DPP6: variants seen among roughly 807,000 people sequenced by gnomAD.
DPP6 encodes the protein A-type potassium channel modulatory protein DPP6.
Under a neutral mutation model 122.6 loss-of-function variants are expected in DPP6, and 69 were observed. The ratio of observed to expected loss-of-function variants is 0.56; its 90% CI spans 0.46 to 0.69. The LOEUF (loss-of-function observed/expected upper bound fraction) is 0.69. Among genes scored for constraint, DPP6 ranks in the 30% least tolerant of loss-of-function variants. DPP6 has a pLI of 0.00. For synonymous variants in DPP6, 418 were observed against 433.1 expected (o/e 0.97, Z 0.43); for missense variants, 928 against 1,116.9 (o/e 0.83, Z 2.41).
At chr7:153,910,470 G>T (rs1800040729) in intron 1 of DPP6, among the ~76,000 whole-genome samples, 2 of 151,790 alleles carry the variant, frequency 1.3e-5, no homozygotes, top group Non-Finnish European at 2.9e-5. Flanking sequence ...CCTTTTCCTG[G>T]CTGCCTCTCC....
chr7:154,135,201 A>G (rs977864296), intron 1 of DPP6, among the ~76,000 whole-genome samples: 3 of 151,100 alleles, frequency 2.0e-5, no homozygotes, highest in Non-Finnish European at 4.4e-5. Flanking sequence ...CTGTAAGCCT[A>G]CACTTCTTGT....
chr7:154,297,887 A>G (rs1280428973), intron 1 of DPP6, among the ~76,000 whole-genome samples: 2 of 152,126 alleles, frequency 1.3e-5, no homozygotes, highest in African/African-American at 4.8e-5. Context: ...TGCTGCGACG[A>G]GCTTTTCCAG....
At chr7:154,389,394 A>G (rs10278247) in intron 1 of DPP6, among the ~76,000 whole-genome samples, 17,690 of 152,170 alleles carry the variant, frequency 0.12, 1,314 homozygotes, top group African/African-American at 0.2. Context: ...AATTAATAAA[A>G]AGGAGATGAT....
chr7:154,136,726 T>G lies in DPP6; in HGVS notation c.243+83663T>G, dbSNP rs564198228. On this transcript the variant is annotated intron_variant, in intron 1 of 25. Coordinates refer to ENST00000377770, the MANE Select transcript of DPP6 (RefSeq NM_130797.4). ...TTTAGGAAGATAAAGAACACTAAAA[T>G]GTTAATAATAGAACCTTGAGACCCT... is the stretch of plus-strand genomic sequence containing the variant. 4.4e-3 allele frequency among the ~76,000 whole-genome samples: 674 copies of G among 151,826 alleles called. 8 individuals are homozygous for G. Among genetic ancestry groups the G allele is most frequent in the African/African-American group, 0.015 (602 of 41,378 alleles).
chr7:154,613,619 C>CAAAAAAA (rs749561005), intron 5 of DPP6, among the ~76,000 whole-genome samples: 12 of 51,828 alleles, frequency 2.3e-4, no homozygotes, highest in African/African-American at 9.2e-4. Context: ...GACTCTGTCT[C>CAAAAAAA]AAAAAAAAAA....
the DPP6 span, among the ~76,000 whole-genome samples, chr7:153,837,349 C>G: frequency 6.6e-6 from 1 of 152,182 alleles, no homozygotes; most frequent in Non-Finnish European, 1.5e-5. Flanking sequence ...TGATAACTAA[C>G]TAATCTAGCA....
At chr7:154,847,928 C>A (rs991260543) in intron 16 of DPP6, among the ~76,000 whole-genome samples, 1 of 152,304 alleles carries the variant, frequency 6.6e-6, no homozygotes, top group African/African-American at 2.4e-5. Context: ...TGACATTTCT[C>A]TTCCTATGCC....
intron 7 of DPP6, among the ~76,000 whole-genome samples, chr7:154,708,682 G>A (rs1000007258): frequency 3.3e-5 from 5 of 152,178 alleles, no homozygotes; most frequent in Non-Finnish European, 7.3e-5. Flanking sequence ...AAGACTGTAT[G>A]TCAAATAATA....
At chr7:154,190,526 A>C (rs967858424) in intron 1 of DPP6, among the ~76,000 whole-genome samples, 7 of 152,200 alleles carry the variant, frequency 4.6e-5, no homozygotes. Flanking sequence ...GTACTTAAGT[A>C]TATGATTTAA....
intron 1 of DPP6, among the ~76,000 whole-genome samples, chr7:154,010,879 A>G (rs574002596): frequency 6.6e-6 from 1 of 152,284 alleles, no homozygotes; most frequent in South Asian, 2.1e-4. Context: ...GAAGAATGGT[A>G]TTTGGTTTTG....
chr7:154,531,547 C>T (rs7809068), intron 3 of DPP6, among the ~76,000 whole-genome samples: 18,670 of 152,054 alleles, frequency 0.12, 1,281 homozygotes, highest in African/African-American at 0.2. Context: ...AATTTCATCA[C>T]GGAAGAAAAT....
chr7:154,372,106 C>T (rs1406469716), intron 1 of DPP6, among the ~76,000 whole-genome samples: 2 of 152,022 alleles, frequency 1.3e-5, no homozygotes, highest in African/African-American at 2.4e-5. Flanking sequence ...ATCAGAGTCC[C>T]TTACTGGAGG....
chr7:153,818,210 G>A, the DPP6 span, among the ~76,000 whole-genome samples: 1 of 152,028 alleles, frequency 6.6e-6, no homozygotes, highest in African/African-American at 2.4e-5. Context: ...TAAAACTGAA[G>A]AGAGACATCG....
At chr7:153,882,893 G>T (rs942663903), upstream of DPP6, among the ~76,000 whole-genome samples, 1 of 152,228 alleles carries the variant, frequency 6.6e-6, no homozygotes, top group African/African-American at 2.4e-5. Context: ...AAACACGGAA[G>T]ATTCCATGGG....
At chr7:153,923,066 C>T (rs1471518536) in intron 1 of DPP6, among the ~76,000 whole-genome samples, 1 of 152,210 alleles carries the variant, frequency 6.6e-6, no homozygotes, top group Non-Finnish European at 1.5e-5. Context: ...ATGCTTGGAC[C>T]TTCAATCCCC....
intron 16 of DPP6, among the ~76,000 whole-genome samples, chr7:154,813,753 C>T (rs1799226447): frequency 6.6e-6 from 1 of 151,908 alleles, no homozygotes; most frequent in African/African-American, 2.4e-5. Flanking sequence ...GATGATTTTC[C>T]AGAATATACC....
intron 1 of DPP6, among the ~76,000 whole-genome samples, chr7:154,007,568 C>T (rs1797966887): frequency 6.6e-6 from 1 of 152,102 alleles, no homozygotes; most frequent in Admixed American, 6.5e-5. Flanking sequence ...ATTCCTGTCC[C>T]CATTTTAGAT....
intron 1 of DPP6, among the ~76,000 whole-genome samples, chr7:154,067,872 G>A (rs895350744): frequency 6.6e-6 from 1 of 151,390 alleles, no homozygotes; most frequent in Admixed American, 6.6e-5. Context: ...AGCCTGTCAA[G>A]TGCATGCCAC....
the DPP6 span, among the ~76,000 whole-genome samples, chr7:153,805,639 G>A: frequency 2.0e-5 from 3 of 152,146 alleles, no homozygotes; most frequent in African/African-American, 4.8e-5. Flanking sequence ...TTACAAAAAT[G>A]TGGCACACAT....
Sources: gnomAD v4.1 joint callset for allele counts (sites outside exome capture counted in the v4.1 genomes callset) on GRCh38, gnomAD v4.1.1 for gene constraint, MANE v1.5 for transcripts, NCBI Gene and HGNC (gene_info 2026-07-23, HGNC 2026-07-21) for gene names.